Variants in PDZRN3 observed in about 807,000 individuals in gnomAD.
PDZRN3 encodes the protein E3 ubiquitin-protein ligase PDZRN3.
Under a neutral mutation model 85.7 loss-of-function variants are expected in PDZRN3, and 38 were observed. The ratio of observed to expected loss-of-function variants is 0.44; its 90% confidence interval spans 0.34 to 0.58. The LOEUF (loss-of-function observed/expected upper bound fraction) is 0.58. Ranked by LOEUF, PDZRN3 falls within the 20% of genes least tolerant of loss-of-function variation. PDZRN3 has a pLI of 0.01. For synonymous variants in PDZRN3, 759 were observed against 638.0 expected (o/e 1.19, Z -2.86); for missense variants, 1,629 against 1,506.4 (o/e 1.08, Z -1.35).
intron 3 of PDZRN3, among the ~76,000 whole-genome samples, chr3:73,589,904 TAG>T (rs1378806810): frequency 2.6e-5 from 4 of 152,134 alleles, no homozygotes; most frequent in Admixed American, 2.6e-4. Flanking sequence ...TATATTCATA[TAG>T]AGTCATATAT....
chr3:73,455,965 C>A (rs1269161176), intron 3 of PDZRN3, among the ~76,000 whole-genome samples: 1 of 152,180 alleles, frequency 6.6e-6, no homozygotes, highest in African/African-American at 2.4e-5. Flanking sequence ...ACAGAACCAG[C>A]AGAGGGAGCA....
intron 3 of PDZRN3, among the ~76,000 whole-genome samples, chr3:73,554,534 C>A (rs1010026243): frequency 6.6e-6 from 1 of 152,120 alleles, no homozygotes; most frequent in Non-Finnish European, 1.5e-5. Context: ...AAATCAGAAA[C>A]AAACCATAAT....
chr3:73,606,584 T>C (rs754064177), intron 2 of PDZRN3, among the ~76,000 whole-genome samples: 3 of 152,180 alleles, frequency 2.0e-5, no homozygotes, highest in Non-Finnish European at 4.4e-5. Context: ...CGCGGTTCTA[T>C]AGTTTTTTAA....
intron 3 of PDZRN3, among the ~76,000 whole-genome samples, chr3:73,579,860 G>A (rs1702173613): frequency 6.6e-6 from 1 of 152,086 alleles, no homozygotes; most frequent in Non-Finnish European, 1.5e-5. Context: ...ATATTTATAT[G>A]GGGTCATATT....
intron 3 of PDZRN3, among the ~76,000 whole-genome samples, chr3:73,509,694 A>G (rs1198964300): frequency 6.6e-6 from 1 of 152,218 alleles, no homozygotes; most frequent in Non-Finnish European, 1.5e-5. Context: ...TTTCCAAGGA[A>G]AACAGCCTCT....
intron 1 of PDZRN3, among the ~76,000 whole-genome samples, chr3:73,616,194 T>A (rs1231941683): frequency 6.6e-6 from 1 of 152,232 alleles, no homozygotes; most frequent in Non-Finnish European, 1.5e-5. Context: ...GAGGCCCTCA[T>A]CAGAAACTGA....
intron 3 of PDZRN3, among the ~76,000 whole-genome samples, chr3:73,599,168 T>G (rs1702474222): frequency 6.6e-6 from 1 of 152,218 alleles, no homozygotes; most frequent in Non-Finnish European, 1.5e-5. Flanking sequence ...GCAGCATTAT[T>G]CAAGACAACC....
intron 3 of PDZRN3, among the ~76,000 whole-genome samples, chr3:73,526,094 G>A (rs1355241711): frequency 2.0e-5 from 3 of 152,188 alleles, no homozygotes; most frequent in African/African-American, 7.2e-5. Flanking sequence ...CTGGGCGGTA[G>A]TTTCTTCATC....
chr3:73,561,157 T>C (rs746048502), intron 3 of PDZRN3, among the ~76,000 whole-genome samples: 1 of 152,216 alleles, frequency 6.6e-6, no homozygotes, highest in South Asian at 2.1e-4. Flanking sequence ...CTGAATAAAA[T>C]ATAGAATTTG....
Position 73,383,223 on chromosome 3 carries a change from G to T in PDZRN3, c.*142C>A. On this transcript the variant is annotated 3_prime_UTR_variant, in exon 10 of 10. Coordinates refer to ENST00000263666, the MANE Select transcript of PDZRN3 (RefSeq NM_015009.3). ...CCTTAAAATAGACCTATGACACCCA[G>T]AGTTGTAGGGTTTGCAAATTTGGAC... is the stretch of plus-strand genomic sequence containing the variant. 1.4e-6 allele frequency: 1 copy of T among 699,934 alleles called. No homozygotes were observed. The highest frequency in any genetic ancestry group is 2.4e-6 in the Non-Finnish European group (1 of 417,582). The allele number at this position is 699,934 out of a possible 1,614,324, so 43.4% of individuals were successfully genotyped here.
At chr3:73,587,165 G>C (rs532733106) in intron 3 of PDZRN3, among the ~76,000 whole-genome samples, 1 of 152,198 alleles carries the variant, frequency 6.6e-6, no homozygotes, top group African/African-American at 2.4e-5. Context: ...CCTTTAGTGA[G>C]CCATGAAATC....
chr3:73,504,032 C>T (rs915481208), intron 3 of PDZRN3, among the ~76,000 whole-genome samples: 1 of 152,202 alleles, frequency 6.6e-6, no homozygotes, highest in Admixed American at 6.5e-5. Flanking sequence ...AGTCACAGGG[C>T]ATGTGCTAGA....
At chr3:73,501,802 G>A (rs750635798) in intron 3 of PDZRN3, among the ~76,000 whole-genome samples, 3 of 152,068 alleles carry the variant, frequency 2.0e-5, no homozygotes, top group Non-Finnish European at 4.4e-5. Flanking sequence ...ATCACTTGAG[G>A]TCAGGAGTTC....
Position 73,427,267 on chromosome 3 carries a change from G to T in PDZRN3, c.919-22872C>A, listed in dbSNP as rs569425531. Among the ~76,000 whole-genome samples, 3 of 152,294 alleles carry T rather than the reference G, an allele frequency of 2.0e-5. No individual in the cohort carries two copies. In the South Asian group the frequency reaches 6.2e-4, roughly 32 times the overall value. On this transcript the variant is annotated intron_variant, in intron 3 of 9. Coordinates refer to ENST00000263666, the MANE Select transcript of PDZRN3 (RefSeq NM_015009.3). ...GACTACATTTTACCAACGTTATGAC[G>T]CCTGTCACATAAATGACAGTGGCAC...
chr3:73,438,196 A>G (rs767925239), intron 3 of PDZRN3, among the ~76,000 whole-genome samples: 3 of 152,306 alleles, frequency 2.0e-5, no homozygotes, highest in Non-Finnish European at 1.5e-5. Context: ...GGAACACACA[A>G]TGAGACAAAC....
At chr3:73,581,188 TCTCTCAAAGAGAA>T (rs779244120) in intron 3 of PDZRN3, among the ~76,000 whole-genome samples, 23 of 152,244 alleles carry the variant, frequency 1.5e-4, no homozygotes, top group Non-Finnish European at 2.5e-4. Flanking sequence ...AGAGCAGCTT[TCTCTCAAAGAGAA>T]CTGATGGTTT....
At chr3:73,507,385 G>A (rs1704087042) in intron 3 of PDZRN3, among the ~76,000 whole-genome samples, 1 of 152,148 alleles carries the variant, frequency 6.6e-6, no homozygotes, top group African/African-American at 2.4e-5. Flanking sequence ...TGGCCAGGCT[G>A]GTCTCAACTC....
At chr3:73,541,375 G>C (rs1704918264) in intron 3 of PDZRN3, among the ~76,000 whole-genome samples, 1 of 152,164 alleles carries the variant, frequency 6.6e-6, no homozygotes, top group Admixed American at 6.5e-5. Flanking sequence ...CTTTAGGTCA[G>C]ACAGTGGTCT....
At chr3:73,536,347 A>C (rs1704785361) in intron 3 of PDZRN3, among the ~76,000 whole-genome samples, 1 of 152,252 alleles carries the variant, frequency 6.6e-6, no homozygotes, top group South Asian at 2.1e-4. Context: ...GACAGGATGG[A>C]AATGGTGGAG....
Sources: allele counts gnomAD v4.1 joint callset (sites outside exome capture counted in the v4.1 genomes callset), GRCh38; gene constraint gnomAD v4.1.1; transcripts MANE v1.5; gene names NCBI Gene and HGNC (gene_info 2026-07-23, HGNC 2026-07-21).